UGT2B10: variants seen among roughly 807,000 people sequenced by gnomAD.
The protein encoded by UGT2B10 is UDP-glucuronosyltransferase 2B10.
In UGT2B10, 51 loss-of-function variants were observed where a neutral mutation model predicts 43.7. The ratio of observed to expected loss-of-function variants is 1.17; its 90% CI spans 0.93 to 1.47. The LOEUF (loss-of-function observed/expected upper bound fraction) is 1.47. UGT2B10 is among the 40% of genes most tolerant of loss of function. The pLI is 0.00. For synonymous variants in UGT2B10, 225 were observed against 209.0 expected (o/e 1.08, Z -0.66); for missense variants, 696 against 617.7 (o/e 1.13, Z -1.34).
intron 3 of UGT2B10, among the ~76,000 whole-genome samples, chr4:68,824,850 AG>A (rs1737690004): frequency 6.6e-6 from 1 of 152,148 alleles, no homozygotes; most frequent in Non-Finnish European, 1.5e-5. Flanking sequence ...GTTATTCAAA[AG>A]CTTTATTTTT....
chr4:68,819,174 T>C (rs1203909418), intron 2 of UGT2B10, among the ~76,000 whole-genome samples: 2 of 151,986 alleles, frequency 1.3e-5, no homozygotes, highest in African/African-American at 2.4e-5. Flanking sequence ...GTCTCTGGCA[T>C]ATAGTCAGTG....
chr4:68,818,600 T>C (rs1297219782), intron 2 of UGT2B10, among the ~76,000 whole-genome samples: 1 of 113,464 alleles, frequency 8.8e-6, no homozygotes, highest in Non-Finnish European at 2.0e-5. Flanking sequence ...ATGAATATTA[T>C]ATAAAAACTA....
chr4:68,824,174 A>G (rs896927709), intron 3 of UGT2B10, among the ~76,000 whole-genome samples: 2 of 152,252 alleles, frequency 1.3e-5, no homozygotes, highest in African/African-American at 4.8e-5. Flanking sequence ...TGTTCAGGCT[A>G]CTATTCAGAG....
At chr4:68,825,731 G>T (rs1737740703) in intron 3 of UGT2B10, among the ~76,000 whole-genome samples, 1 of 151,910 alleles carries the variant, frequency 6.6e-6, no homozygotes, top group South Asian at 2.1e-4. Context: ...TCTTTATTCA[G>T]TCCATAATTG....
In UGT2B10 at chr4:68,831,375, G is replaced by A. The variant is rs547802321; in HGVS notation, c.*496G>A. The stretch of plus-strand genomic sequence containing the variant: ...CCCAAAGGGATGAGATTACAGGTAT[G>A]TACCACCATAACTTTACAAAATGAG... On this transcript the variant is annotated 3_prime_UTR_variant, in exon 6 of 6. Coordinates refer to ENST00000265403, the MANE Select transcript of UGT2B10 (RefSeq NM_001075.6). Among the ~76,000 whole-genome samples the A allele has an allele frequency of 6.6e-6, 1 of 152,152 alleles. No individual in the cohort carries two copies. Among genetic ancestry groups the A allele is most frequent in the African/African-American group, 2.4e-5 (1 of 41,546 alleles).
chr4:68,816,554 T>G lies in UGT2B10; in HGVS notation c.535T>G (p.Phe179Val). The change falls in exon 1 of 6, where the codon TTT (phenylalanine) becomes GTT (valine). Residue 179 changes from phenylalanine (F) to valine (V), a missense_variant. Physicochemically the swap from Phe to Val is conservative, Grantham distance 50. Transcript: ENST00000265403. The part of the protein sequence containing the change: ...YSHSFSPGYS[F>V]ERHSGGFIFP... The stretch of plus-strand genomic sequence containing the variant: ...TCACAGCTTCAGTCCTGGCTACTCA[T>G]TTGAAAGGCACAGTGGAGGATTTAT... 6.2e-7 allele frequency: 1 copy of G among 1,613,152 alleles called. No homozygotes were observed. The highest frequency in any genetic ancestry group is 8.5e-7 in the Non-Finnish European group (1 of 1,179,390).
rs758569113 is a variant in UGT2B10, at chr4:68,826,448, A to G, written c.1038A>G (p.Leu346=). Residue 346 remains leucine (L), a synonymous_variant, in exon 4 of 6, where the codon TTA becomes TTG. Transcript: ENST00000265403. The stretch of plus-strand genomic sequence containing the variant: ...TTGATGGGAATAAACCAGATGCCTT[A>G]GGTCTCAATACTCGACTGTACAAGT... The part of the protein sequence containing the change: ...WRFDGNKPDA[L]GLNTRLYKWI... 36 of 1,612,136 alleles carry G rather than the reference A, an allele frequency of 2.2e-5. No individual in the cohort carries two copies. Among genetic ancestry groups the G allele is most frequent in the Non-Finnish European group, 3.1e-5 (36 of 1,179,196 alleles).
At position 68,816,714 on chromosome 4, in the gene UGT2B10, A is replaced by T. The variant is rs774736606; in HGVS notation, c.695A>T (p.Asp232Val). Residue 232 changes from aspartate (D) to valine (V), a missense_variant, in exon 1 of 6, where the codon GAT becomes GTT. Transcript: ENST00000265403. Reference sequence around the variant, plus strand: ...CAAATATTTAATATGAAGAAGTGGGATCAGTTTTACAGTGAAGTTTTAGGT... The same window carrying T: ...CAAATATTTAATATGAAGAAGTGGGTTCAGTTTTACAGTGAAGTTTTAGGT... ...WFQIFNMKKW[D>V]QFYSEVLGRP... 10 of 1,608,632 alleles carry T rather than the reference A, an allele frequency of 6.2e-6. No homozygotes were observed. The highest frequency in any genetic ancestry group is 7.6e-6 in the Non-Finnish European group (9 of 1,177,326).
At chr4:68,826,252 G>C (rs1445668496) in intron 3 of UGT2B10, among the ~76,000 whole-genome samples, 158 bp from the exon 4 acceptor site, 1 of 151,976 alleles carries the variant, frequency 6.6e-6, no homozygotes, top group Non-Finnish European at 1.5e-5. Flanking sequence ...CATTATAAAA[G>C]TTCAGAAAAT....
intron 3 of UGT2B10, 83 bp downstream of exon 3, chr4:68,822,485 G>A: frequency 1.9e-6 from 3 of 1,600,190 alleles, no homozygotes; most frequent in Non-Finnish European, 8.5e-7. Flanking sequence ...GAATATTAAA[G>A]AGTAGACTGA....
chr4:68,824,772 A>G (rs2109696651), intron 3 of UGT2B10, among the ~76,000 whole-genome samples: 1 of 152,284 alleles, frequency 6.6e-6, no homozygotes, highest in Admixed American at 6.5e-5. Context: ...ACTGTTGTCA[A>G]AGCTTTGTAG....
At chr4:68,821,281 C>A (rs895868604) in intron 2 of UGT2B10, among the ~76,000 whole-genome samples, 1 of 152,070 alleles carries the variant, frequency 6.6e-6, no homozygotes, top group Non-Finnish European at 1.5e-5. Flanking sequence ...CAGAATAATT[C>A]TCAATCAATT....
At chr4:68,822,681 T>C (rs943868416) in intron 3 of UGT2B10, among the ~76,000 whole-genome samples, 3 of 152,094 alleles carry the variant, frequency 2.0e-5, no homozygotes, top group Non-Finnish European at 2.9e-5. Flanking sequence ...AAAAGGGAAC[T>C]TGAGACCCAC....
chr4:68,817,955 C>A (rs1041292528), intron 1 of UGT2B10, 74 bp from the exon 2 acceptor site: 4 of 1,551,670 alleles, frequency 2.6e-6, no homozygotes, highest in Admixed American at 2.2e-5. Context: ...CTGCATTATT[C>A]TAACCCCTTT....
In UGT2B10 at chr4:68,830,793, G is replaced by T; in HGVS notation, c.1501G>T (p.Ala501Ser). The T allele has an allele frequency of 1.9e-6, 3 of 1,613,298 alleles. No individual in the cohort carries two copies. The highest frequency in any genetic ancestry group is 1.7e-6 in the Non-Finnish European group (2 of 1,179,512). The stretch of plus-strand genomic sequence containing the variant: ...GATTGGGTTCCTGCTGGCTTGTGTG[G>T]CAACCGTGCTATTTATCATCACAAA... ...DVIGFLLACV[A>S]TVLFIITKCC... Residue 501 changes from alanine (A) to serine (S), a missense_variant, in exon 6 of 6, where the codon GCA (alanine) becomes TCA (serine). By Grantham distance (99) the Ala-to-Ser change is moderately conservative. Coordinates refer to ENST00000265403, the MANE Select transcript of UGT2B10 (RefSeq NM_001075.6).
In UGT2B10 at chr4:68,827,381, T is replaced by C. The variant is rs71616905; in HGVS notation, c.1140T>C (p.Tyr380=). ...FITHGGANGI[Y]EAIYHGIPMV... ...CTCATGGTGGAGCCAATGGCATCTA[T>C]GAGGCAATCTACCATGGGATCCCTA... Residue 380 remains tyrosine, a synonymous_variant, in exon 5 of 6, where the codon TAT becomes TAC. Coordinates refer to ENST00000265403, the MANE Select transcript of UGT2B10 (RefSeq NM_001075.6). The C allele has an allele frequency of 5.3e-3, 8,621 of 1,613,426 alleles. 290 individuals carry two copies. The South Asian group carries it at 0.061, about 11-fold the overall frequency.
At chr4:68,821,388 C>G (rs1737487028) in intron 2 of UGT2B10, among the ~76,000 whole-genome samples, 1 of 152,150 alleles carries the variant, frequency 6.6e-6, no homozygotes, top group African/African-American at 2.4e-5. Flanking sequence ...GGTGGCCTCT[C>G]CTATTCTGGT....
intron 5 of UGT2B10, among the ~76,000 whole-genome samples, chr4:68,828,464 GA>G (rs1242881290): frequency 6.6e-6 from 1 of 151,700 alleles, no homozygotes; most frequent in African/African-American, 2.4e-5. Context: ...GAAGGATAAA[GA>G]ATGATCAAAA....
intron 3 of UGT2B10, among the ~76,000 whole-genome samples, chr4:68,824,042 A>G (rs1737646764): frequency 6.6e-6 from 1 of 152,220 alleles, no homozygotes; most frequent in Non-Finnish European, 1.5e-5. Context: ...GGGTGACTTC[A>G]GTAGCACAAT....
Sources: allele counts gnomAD v4.1 joint callset (sites outside exome capture counted in the v4.1 genomes callset), GRCh38; gene constraint gnomAD v4.1.1; transcripts MANE v1.5; gene names NCBI Gene and HGNC (gene_info 2026-07-23, HGNC 2026-07-21).